The following MEGF11 variants were observed in gnomAD, a reference collection of about 807,000 sequenced individuals.
The protein encoded by MEGF11 is multiple epidermal growth factor-like domains protein 11.
In MEGF11, 126 loss-of-function variants were observed where a neutral mutation model predicts 146.6. The observed-to-expected ratio is 0.86, with a 90% CI of 0.74 to 1.00. The LOEUF is 1.00. Among genes scored for constraint, MEGF11 ranks in the 50% least tolerant of loss-of-function variants. The probability of loss-of-function intolerance (pLI) is 0.00; values close to 1 mark genes in which losing one functional copy is unlikely to be tolerated. For synonymous variants in MEGF11, 532 were observed against 583.4 expected (o/e 0.91, Z 1.27); for missense variants, 1,509 against 1,521.2 (o/e 0.99, Z 0.13).
chr15:65,924,577 G>A (rs2079299741), intron 13 of MEGF11, among the ~76,000 whole-genome samples: 1 of 148,166 alleles, frequency 6.7e-6, no homozygotes, highest in Non-Finnish European at 1.5e-5. Context: ...CCATCTTCAA[G>A]TTTCTCCTTT....
intron 5 of MEGF11, among the ~76,000 whole-genome samples, chr15:66,074,967 T>C (rs2085513284): frequency 6.6e-6 from 1 of 152,270 alleles, no homozygotes; most frequent in Non-Finnish European, 1.5e-5. Flanking sequence ...TACATGTTTA[T>C]GTTCTTCACT....
intron 7 of MEGF11, among the ~76,000 whole-genome samples, chr15:65,974,714 C>G (rs916024970): frequency 1.3e-5 from 2 of 152,136 alleles, no homozygotes; most frequent in Admixed American, 1.3e-4. Context: ...TGTGGGGGTA[C>G]TCCAGGCATG....
At chr15:66,016,487 T>TTC (rs1555461670) in intron 5 of MEGF11, among the ~76,000 whole-genome samples, 9 of 151,268 alleles carry the variant, frequency 5.9e-5, no homozygotes, top group Non-Finnish European at 2.9e-5. Flanking sequence ...CAGTTTTTTT[T>TTC]TTTTTTTTTT....
At chr15:66,139,609 TA>T (rs60872045) in intron 1 of MEGF11, among the ~76,000 whole-genome samples, 85,168 of 142,886 alleles carry the variant, frequency 0.6, 25,925 homozygotes, top group South Asian at 0.76. Flanking sequence ...CACAGTAGGA[TA>T]AAAAAAAAAA....
intron 1 of MEGF11, among the ~76,000 whole-genome samples, chr15:66,191,709 GA>G (rs2090884039): frequency 6.6e-6 from 1 of 152,176 alleles, no homozygotes; most frequent in South Asian, 2.1e-4. Flanking sequence ...GAGGGCATGG[GA>G]ATGACACTGT....
At chr15:66,031,830 A>C (rs537791813) in intron 5 of MEGF11, among the ~76,000 whole-genome samples, 4 of 152,346 alleles carry the variant, frequency 2.6e-5, no homozygotes, top group East Asian at 1.9e-4. Flanking sequence ...GAATGGATTA[A>C]TGTTGTTATT....
chr15:65,916,405 C>T (rs1476122867), intron 17 of MEGF11, 129 bp from the exon 18 acceptor site: 1 of 1,184,578 alleles, frequency 8.4e-7, no homozygotes, highest in African/African-American at 1.5e-5. Flanking sequence ...GACCCTGCAC[C>T]AGAGTTGTCT....
intron 10 of MEGF11, among the ~76,000 whole-genome samples, chr15:65,949,238 A>C (rs2080305274): frequency 6.6e-6 from 1 of 152,176 alleles, no homozygotes; most frequent in Non-Finnish European, 1.5e-5. Flanking sequence ...GGGGAGCGTA[A>C]CGTCTTTAAA....
chr15:66,191,091 G>A (rs1045367150), intron 1 of MEGF11, among the ~76,000 whole-genome samples: 1 of 152,076 alleles, frequency 6.6e-6, no homozygotes, highest in Non-Finnish European at 1.5e-5. Flanking sequence ...CCGATATCAG[G>A]CCAGACTTAA....
intron 9 of MEGF11, among the ~76,000 whole-genome samples, chr15:65,960,708 G>C (rs1041934525): frequency 6.6e-6 from 1 of 152,230 alleles, no homozygotes; most frequent in Non-Finnish European, 1.5e-5. Flanking sequence ...TGCTTCTGCT[G>C]TCTCTGCCTA....
At position 65,946,647 on chromosome 15, in the gene MEGF11, C is replaced by A. The variant is rs553398286; in HGVS notation, c.1287+10900G>T. Among the ~76,000 whole-genome samples, 126 of 152,356 alleles carry A rather than the reference C, an allele frequency of 8.3e-4. 3 individuals are homozygous for A. The highest frequency in any genetic ancestry group is 1.2e-3 in the Non-Finnish European group (85 of 68,034). ...AGCTCAGGTGATCCACCCACTTCGGCCTCCCAAAGTGCTGGGATTACAGGT... is the reference window on the plus strand; with the variant it reads ...AGCTCAGGTGATCCACCCACTTCGGACTCCCAAAGTGCTGGGATTACAGGT... On this transcript the variant is annotated intron_variant, in intron 10 of 25. Transcript: ENST00000395614.
chr15:66,200,079 C>T (rs1377602414), intron 1 of MEGF11, among the ~76,000 whole-genome samples: 2 of 152,170 alleles, frequency 1.3e-5, no homozygotes, highest in Non-Finnish European at 2.9e-5. Flanking sequence ...ACTATGAATA[C>T]GTCAATATTC....
chr15:66,094,037 G>A (rs2086431383), intron 5 of MEGF11, among the ~76,000 whole-genome samples: 1 of 152,126 alleles, frequency 6.6e-6, no homozygotes, highest in Admixed American at 6.5e-5. Context: ...AGTGAACCTG[G>A]GGACCAGGGC....
chr15:65,926,533 G>A (rs2079377768), intron 13 of MEGF11, among the ~76,000 whole-genome samples: 1 of 152,228 alleles, frequency 6.6e-6, no homozygotes, highest in Non-Finnish European at 1.5e-5. Context: ...CCTGTGCCAA[G>A]CCAAGGAATG....
intron 1 of MEGF11, among the ~76,000 whole-genome samples, chr15:66,209,652 C>A (rs2091393385): frequency 6.6e-6 from 1 of 152,048 alleles, no homozygotes; most frequent in Non-Finnish European, 1.5e-5. Flanking sequence ...GTGAAAAATG[C>A]CATTCATAAA....
intron 1 of MEGF11, among the ~76,000 whole-genome samples, chr15:66,130,178 C>T (rs528820149): frequency 6.6e-6 from 1 of 152,238 alleles, no homozygotes; most frequent in African/African-American, 2.4e-5. Flanking sequence ...CAACCTAGAG[C>T]AGAGAAAGAG....
At chr15:66,140,686 C>T (rs1311289468) in intron 1 of MEGF11, among the ~76,000 whole-genome samples, 2 of 151,632 alleles carry the variant, frequency 1.3e-5, no homozygotes, top group Non-Finnish European at 2.9e-5. Flanking sequence ...GCCTCTGACA[C>T]AGGTATGTTT....
intron 1 of MEGF11, among the ~76,000 whole-genome samples, chr15:66,150,823 C>CTT (rs144401486): frequency 1.8e-4 from 19 of 104,358 alleles, no homozygotes; most frequent in East Asian, 7.8e-4. Flanking sequence ...AATGCCCTGT[C>CTT]GAGAGAGAGA....
chr15:66,144,220 G>T (rs942146938), intron 1 of MEGF11, among the ~76,000 whole-genome samples: 2 of 152,110 alleles, frequency 1.3e-5, no homozygotes, highest in Non-Finnish European at 2.9e-5. Flanking sequence ...GAGGTGGGAG[G>T]GGTCAACTAG....
Sources: gnomAD v4.1 joint callset for allele counts (sites outside exome capture counted in the v4.1 genomes callset) on GRCh38, gnomAD v4.1.1 for gene constraint, MANE v1.5 for transcripts, NCBI Gene and HGNC (gene_info 2026-07-23, HGNC 2026-07-21) for gene names.